The following ABCC8 variants were observed in gnomAD, a reference collection of about 807,000 sequenced individuals.
ABCC8 encodes ATP binding cassette subfamily C member 8.
Under a neutral mutation model 188.0 loss-of-function variants are expected in ABCC8, and 137 were observed. The ratio of observed to expected loss-of-function variants is 0.73; its 90% confidence interval spans 0.63 to 0.84. The LOEUF is 0.84. ABCC8 is among the 40% of genes least tolerant of loss of function. The pLI is 0.00. For missense variants in ABCC8, 1,750 were observed against 2,072.7 expected (o/e 0.84, Z 3.02); for synonymous variants, 797 against 846.5 (o/e 0.94, Z 1.01).
chr11:17,432,352 G>A (rs1483929916), intron 10 of ABCC8, 108 bp from the exon 11 acceptor site: 77 of 1,546,496 alleles, frequency 5.0e-5, no homozygotes, highest in Non-Finnish European at 5.4e-5. Flanking sequence ...CCAGCCTGTG[G>A]GGCACAGCTC....
intron 14 of ABCC8, 87 bp downstream of exon 14, chr11:17,428,202 T>C: frequency 6.3e-7 from 1 of 1,596,816 alleles, no homozygotes; most frequent in South Asian, 1.1e-5. Context: ...TGCAGAGGAC[T>C]AAGCATGCAG....
At chr11:17,475,754 T>C (rs1216653860) in intron 1 of ABCC8, among the ~76,000 whole-genome samples, 2 of 152,252 alleles carry the variant, frequency 1.3e-5, no homozygotes, top group Non-Finnish European at 2.9e-5. Flanking sequence ...AATCTTTCCT[T>C]TCTTCCCCAA....
intron 29 of ABCC8, among the ~76,000 whole-genome samples, chr11:17,401,780 A>T (rs2133427423): frequency 6.6e-6 from 1 of 152,272 alleles, no homozygotes; most frequent in South Asian, 2.1e-4. Flanking sequence ...AGCTTCCCTC[A>T]TTCCCCAGGC....
intron 16 of ABCC8, among the ~76,000 whole-genome samples, chr11:17,419,959 T>C (rs928091372): frequency 7.9e-5 from 12 of 152,250 alleles, no homozygotes; most frequent in South Asian, 4.1e-4. Flanking sequence ...CACTGGAGAA[T>C]GTATTACAGC....
intron 22 of ABCC8, among the ~76,000 whole-genome samples, chr11:17,408,866 G>A (rs1349622692): frequency 6.6e-6 from 1 of 152,150 alleles, no homozygotes; most frequent in Non-Finnish European, 1.5e-5. Context: ...TCCTCTTGAC[G>A]GCGGGTCTGG....
intron 30 of ABCC8, 40 bp downstream of exon 30, chr11:17,398,299 C>A (rs1954050393): frequency 6.2e-7 from 1 of 1,612,072 alleles, no homozygotes; most frequent in Non-Finnish European, 8.5e-7. Context: ...CTGGCCCCAC[C>A]CTCCTATCAG....
In ABCC8 at chr11:17,468,234, G is replaced by C. The variant is rs112519424; in HGVS notation, c.412+1867C>G. Among the ~76,000 whole-genome samples, 1,236 of 152,326 alleles carry C rather than the reference G, an allele frequency of 8.1e-3. 16 individuals are homozygous for C. The highest frequency in any genetic ancestry group is 0.028 in the African/African-American group (1,146 of 41,570). ...ACAGAAAGGCAGACCTGTGACTAGT[G>C]CAAGAAACACCCTGTACTCCCTGAC... On this transcript the variant is annotated intron_variant, in intron 3 of 38. Coordinates refer to ENST00000389817, the MANE Select transcript of ABCC8 (RefSeq NM_000352.6).
chr11:17,437,930 C>A (rs987303919), intron 10 of ABCC8, among the ~76,000 whole-genome samples: 4 of 152,182 alleles, frequency 2.6e-5, no homozygotes, highest in African/African-American at 9.7e-5. Flanking sequence ...GAAACCCTGT[C>A]TCTACTAAAA....
Position 17,459,552 on chromosome 11 carries a change from C to A in ABCC8, c.1011+936G>T, listed in dbSNP as rs775590274. Among the ~76,000 whole-genome samples, 2 of 152,180 alleles carry A rather than the reference C, an allele frequency of 1.3e-5. 1 individual carries two copies. The highest frequency in any genetic ancestry group is 4.1e-4 in the South Asian group (2 of 4,832). Reference sequence around the variant, plus strand: ...GAGCTCATGAGATGAACAAATGTTACGCAAAGGGTGTCATAAATTATTAAA... The same window carrying A: ...GAGCTCATGAGATGAACAAATGTTAAGCAAAGGGTGTCATAAATTATTAAA... On this transcript the variant is annotated intron_variant, in intron 6 of 38. Coordinates refer to ENST00000389817, the MANE Select transcript of ABCC8 (RefSeq NM_000352.6).
chr11:17,457,196 G>C (rs1215277884), intron 6 of ABCC8, among the ~76,000 whole-genome samples: 1 of 152,090 alleles, frequency 6.6e-6, no homozygotes, highest in Non-Finnish European at 1.5e-5. Context: ...AAACACCAAT[G>C]CATATACACT....
Position 17,406,908 on chromosome 11 carries a change from T to C in ABCC8, c.3142A>G (p.Arg1048Gly), listed in dbSNP as rs1387302006. ...DSALTLTPAA[R>G]NCSLSQECTL... ...CACACCTGGCTGAGGGAGCAGTTCC[T>C]GGCTGCAGGGGTCAGGGTCAGGGCG... The change falls in exon 25 of 39, where the codon AGG becomes GGG. Residue 1048 changes from arginine to glycine, a missense_variant. Arg to Gly is a moderately radical substitution (Grantham distance 125). Coordinates refer to ENST00000389817, the MANE Select transcript of ABCC8 (RefSeq NM_000352.6). 6.2e-7 allele frequency: 1 copy of C among 1,614,102 alleles called. No homozygotes were observed. The highest frequency in any genetic ancestry group is 8.5e-7 in the Non-Finnish European group (1 of 1,180,028).
intron 19 of ABCC8, 110 bp from the exon 20 acceptor site, chr11:17,413,588 G>T (rs1458086872): frequency 8.7e-6 from 14 of 1,605,092 alleles, no homozygotes; most frequent in Non-Finnish European, 1.2e-5. Flanking sequence ...GTGAGCAATG[G>T]CTTTAATAGG....
Position 17,393,699 on chromosome 11 carries a change from C to T in ABCC8, c.4606G>A (p.Ala1536Thr), listed in dbSNP as rs772332005. The T allele has an allele frequency of 3.1e-6, 5 of 1,614,228 alleles. No individual in the cohort carries two copies. The highest frequency in any genetic ancestry group is 2.2e-5 in the South Asian group (2 of 91,090). Residue 1536 changes from alanine (A) to threonine (T), a missense_variant and splice_region_variant, in exon 38 of 39, where the codon GCG becomes ACG. By Grantham distance (58) the Ala-to-Thr change is moderately conservative. Transcript: ENST00000389817. ...AFADRTVVTI[A>T]HRVHTILSAD... ...CACCCCATCAATGGGCCCCTTACCG[C>T]GATGGTGACCACAGTGCGGTCTGCG...
At chr11:17,411,167 C>G (rs1954787484) in intron 21 of ABCC8, among the ~76,000 whole-genome samples, 1 of 152,236 alleles carries the variant, frequency 6.6e-6, no homozygotes, top group African/African-American at 2.4e-5. Flanking sequence ...TCCTGACCCC[C>G]ACGCCTACCC....
chr11:17,446,024 G>GAC (rs1956515203), intron 8 of ABCC8, among the ~76,000 whole-genome samples: 2 of 148,770 alleles, frequency 1.3e-5, no homozygotes. Context: ...GGAACGCAGT[G>GAC]ACACGATCTC....
At chr11:17,441,983 G>T (rs1956334292) in intron 10 of ABCC8, among the ~76,000 whole-genome samples, 1 of 152,166 alleles carries the variant, frequency 6.6e-6, no homozygotes, top group African/African-American at 2.4e-5. Flanking sequence ...GGGAGGCTGA[G>T]GCAGGAGAAT....
intron 10 of ABCC8, among the ~76,000 whole-genome samples, chr11:17,437,588 G>C (rs983897903): frequency 4.6e-5 from 7 of 152,240 alleles, no homozygotes; most frequent in African/African-American, 1.2e-4. Context: ...CCAATAGTCA[G>C]TGCAGTCAAC....
chr11:17,430,310 C>CATTAAA, intron 12 of ABCC8: 1 of 210,634 alleles, frequency 4.7e-6, no homozygotes, highest in Non-Finnish European at 9.7e-6. Flanking sequence ...GTGGGCCAAT[C>CATTAAA]AGAGCAGGAC....
At chr11:17,437,366 A>T (rs1956146913) in intron 10 of ABCC8, among the ~76,000 whole-genome samples, 1 of 152,202 alleles carries the variant, frequency 6.6e-6, no homozygotes, top group Non-Finnish European at 1.5e-5. Context: ...CAATACCAGG[A>T]GCTTTTCATT....
Sources: allele counts gnomAD v4.1 joint callset (sites outside exome capture counted in the v4.1 genomes callset), GRCh38; gene constraint gnomAD v4.1.1; transcripts MANE v1.5; gene names NCBI Gene and HGNC (gene_info 2026-07-23, HGNC 2026-07-21).